The following KCNH2 variants were observed in gnomAD, a reference collection of about 807,000 sequenced individuals.
The protein encoded by KCNH2 is voltage-gated inwardly rectifying potassium channel KCNH2.
In KCNH2, 35 loss-of-function variants were observed where a neutral mutation model predicts 95.9. The ratio of observed to expected loss-of-function variants is 0.37; its 90% CI spans 0.28 to 0.48. The LOEUF (loss-of-function observed/expected upper bound fraction) is 0.48, where lower values mean the gene tolerates loss of function less well. KCNH2 is among the 20% of genes least tolerant of loss of function. The pLI is 0.99. For missense variants in KCNH2, 1,274 were observed against 1,702.9 expected (o/e 0.75, Z 4.43); for synonymous variants, 786 against 754.7 (o/e 1.04, Z -0.68).
rs143335921 is a variant in KCNH2 at position 150,950,180 on chromosome 7, C to G, written c.2386G>C (p.Val796Leu). ...SIEILRGDVV[V>L]AILGKNDIFG... is the part of the protein sequence containing the mutation. ...CCCCACCCCATACCCAGGATGGCCACGACGACGTCGCCCCGCAGGATCTCG... is the reference window on the plus strand; with the variant it reads ...CCCCACCCCATACCCAGGATGGCCAGGACGACGTCGCCCCGCAGGATCTCG... Residue 796 changes from valine (V) to leucine (L), a missense_variant, in exon 9 of 15, where the codon GTG (valine) becomes CTG (leucine). Around this residue, in one of 7 missense-constraint regions of KCNH2, gnomAD observed 159 missense variants for 282.5 expected, o/e 0.56. Transcript: ENST00000262186. 3 of 1,320,414 alleles carry G rather than the reference C, an allele frequency of 2.3e-6. No homozygotes were observed. The highest frequency in any genetic ancestry group is 3.1e-5 in the African/African-American group (2 of 64,828). The allele number at this position is 1,320,414 out of a possible 1,614,324, so 81.8% of individuals were successfully genotyped here. A position where few individuals can be genotyped will look rare whatever the true frequency, so the allele number is the denominator to read the frequency against.
rs145729322 is a variant in KCNH2 at position 150,956,989 on chromosome 7, C to G, written c.1128+302G>C. On this transcript the variant is annotated intron_variant, in intron 5 of 14. Coordinates refer to ENST00000262186, the MANE Select transcript of KCNH2 (RefSeq NM_000238.4). ...CTACTGGCCCTGTCATGTCCCCAGCCTCAACTGCCCTGTCCTCACCCTGTG... is the reference window on the plus strand; with the variant it reads ...CTACTGGCCCTGTCATGTCCCCAGCGTCAACTGCCCTGTCCTCACCCTGTG... 1.2e-3 allele frequency among the ~76,000 whole-genome samples: 178 copies of G among 152,296 alleles called. 1 individual carries two copies. The highest frequency in any genetic ancestry group is 1.6e-3 in the Non-Finnish European group (106 of 68,032).
intron 5 of KCNH2, chr7:150,955,387 G>A (rs2116986326): frequency 6.4e-7 from 1 of 1,554,542 alleles, no homozygotes; most frequent in Non-Finnish European, 8.7e-7. Flanking sequence ...AGGACCGGGT[G>A]TCACCTACCT....
At chr7:150,954,563 G>A (rs535587493) in intron 5 of KCNH2, among the ~76,000 whole-genome samples, 12 of 152,248 alleles carry the variant, frequency 7.9e-5, no homozygotes, top group Non-Finnish European at 1.6e-4. Context: ...CCAGCCTGTT[G>A]TCCTATAGAA....
At chr7:150,972,183 C>G (rs993774794) in intron 2 of KCNH2, among the ~76,000 whole-genome samples, 2 of 152,252 alleles carry the variant, frequency 1.3e-5, no homozygotes, top group Admixed American at 1.3e-4. Context: ...CCTGACACTG[C>G]GCAGAGCAAG....
chr7:150,977,661 GC>G (rs1330295895), intron 1 of KCNH2, among the ~76,000 whole-genome samples, 176 bp downstream of exon 1: 1 of 150,502 alleles, frequency 6.6e-6, no homozygotes, highest in Non-Finnish European at 1.5e-5. Flanking sequence ...GGTGCCCACG[GC>G]CCCGGTGCAC....
rs2116960512 is a variant in KCNH2 at position 150,951,560 on chromosome 7, A to G, written c.1833T>C (p.Tyr611=). ...GLGGPSIKDK[Y]VTALYFTFSS... is the part of the protein sequence containing the mutation. ...TGAAGGTGAAGTAGAGCGCCGTCAC[A>G]TACTTGTCCTTGATGGAGGGGCCGC... The change falls in exon 7 of 15, where the codon TAT becomes TAC. Residue 611 remains tyrosine (Y), a synonymous_variant. Coordinates refer to ENST00000262186, the MANE Select transcript of KCNH2 (RefSeq NM_000238.4). 4.3e-6 allele frequency: 7 copies of G among 1,614,194 alleles called. No individual in the cohort carries two copies. The highest frequency in any genetic ancestry group is 5.9e-6 in the Non-Finnish European group (7 of 1,180,022).
At chr7:150,949,948 A>C in intron 9 of KCNH2, 13 of 1,520,990 alleles carry the variant, frequency 8.5e-6, no homozygotes, top group East Asian at 2.6e-5. Flanking sequence ...CCTGAAGGGA[A>C]GGAGAATGTG....
chr7:150,947,367 A>ACGTCGC lies in KCNH2; in HGVS notation c.3107_3112dup (p.Gly1036_Asp1037dup), dbSNP rs1554424038. 2.6e-6 allele frequency: 4 copies of ACGTCGC among 1,546,010 alleles called. No individual in the cohort carries two copies. In the East Asian group the frequency reaches 7.3e-5, roughly 28 times the overall value. On this transcript the variant is annotated inframe_insertion, in exon 13 of 15. Coordinates refer to ENST00000262186, the MANE Select transcript of KCNH2 (RefSeq NM_000238.4). Reference sequence around the variant, plus strand: ...CTGGAGGGCATCCAGCCTGCTCTCCACGTCGCCCCGGGGCCGCCGACCCGG... The same window carrying ACGTCGC: ...CTGGAGGGCATCCAGCCTGCTCTCCACGTCGCCGTCGCCCCGGGGCCGCCGACCCGG...
intron 1 of KCNH2, among the ~76,000 whole-genome samples, chr7:150,976,676 G>C (rs1801986677): frequency 6.6e-6 from 1 of 152,056 alleles, no homozygotes; most frequent in African/African-American, 2.4e-5. Flanking sequence ...AAAGAGGGAA[G>C]AGTCACTCAA....
intron 5 of KCNH2, chr7:150,955,763 G>A (rs1193910730): frequency 2.4e-6 from 3 of 1,233,842 alleles, no homozygotes; most frequent in Non-Finnish European, 3.0e-6. Context: ...CTGCCAGGGT[G>A]CCGTGCTCTG....
chr7:150,958,341 G>T lies in KCNH2; in HGVS notation c.634C>A (p.Leu212Met). ...TTGTCCATGGCTGTCACTTCGTCCA[G>T]GGCCAGCGACTCGCTGCTGGGTGCC... ...PAAPSSESLA[L>M]DEVTAMDNHV... Residue 212 changes from leucine (L) to methionine (M), a missense_variant, in exon 4 of 15, where the codon CTG becomes ATG. Physicochemically the swap from Leu to Met is conservative, Grantham distance 15. Transcript: ENST00000262186. 1 of 1,490,744 alleles carries T rather than the reference G, an allele frequency of 6.7e-7. No homozygotes were observed. Among genetic ancestry groups the T allele is most frequent in the Non-Finnish European group, 8.9e-7 (1 of 1,127,958 alleles). 92.3% of individuals were successfully genotyped at this position (1,490,744 alleles called of 1,614,324 possible).
In KCNH2 at chr7:150,958,378, G is replaced by A; in HGVS notation, c.597C>T (p.Asp199=). 6.8e-7 allele frequency: 1 copy of A among 1,473,996 alleles called. No homozygotes were observed. Among genetic ancestry groups the A allele is most frequent in the Non-Finnish European group, 8.9e-7 (1 of 1,119,096 alleles). 91.3% of individuals were successfully genotyped at this position (1,473,996 alleles called of 1,614,324 possible). Residue 199 remains aspartate (D), a synonymous_variant, in exon 4 of 15, where the codon GAC becomes GAT. Transcript: ENST00000262186. ...GAPGAVVVDV[D]LTPAAPSSES... Reference sequence around the variant, plus strand: ...CGCTGCTGGGTGCCGCGGGCGTCAGGTCCACGTCCACCACCACGGCCCCCG... The same window carrying A: ...CGCTGCTGGGTGCCGCGGGCGTCAGATCCACGTCCACCACCACGGCCCCCG...
chr7:150,950,806 G>A (rs1801119235), intron 8 of KCNH2, 115 bp downstream of exon 8: 5 of 1,101,608 alleles, frequency 4.5e-6, no homozygotes, highest in Non-Finnish European at 5.4e-6. Context: ...GTGCCTCCAG[G>A]GTCCTTACTA....
Position 150,952,978 on chromosome 7 carries a change from G to A in KCNH2, c.1129-125C>T. On this transcript the variant is annotated intron_variant, in intron 5 of 14. Transcript: ENST00000262186. The surrounding 1 kb of genome is among the most constrained non-coding windows in gnomAD (Gnocchi z 7.3). Reference sequence around the variant, plus strand: ...GGCCAAAAAAAGCTTCCATCAGAATGCCCACCCCTCAGCCAAGCGACCACA... The same window carrying A: ...GGCCAAAAAAAGCTTCCATCAGAATACCCACCCCTCAGCCAAGCGACCACA... 1.1e-6 allele frequency: 1 copy of A among 926,002 alleles called. No individual in the cohort carries two copies. The highest frequency in any genetic ancestry group is 1.6e-5 in the South Asian group (1 of 62,656). 57.4% of individuals were successfully genotyped at this position (926,002 alleles called of 1,614,324 possible).
intron 2 of KCNH2, among the ~76,000 whole-genome samples, chr7:150,974,029 T>G (rs981653271): frequency 6.6e-6 from 1 of 152,172 alleles, no homozygotes; most frequent in Non-Finnish European, 1.5e-5. Context: ...CCCCGGGCTC[T>G]GTTTATCCGC....
At chr7:150,950,707 T>C (rs1397333649) in intron 8 of KCNH2, among the ~76,000 whole-genome samples, 2 of 152,182 alleles carry the variant, frequency 1.3e-5, no homozygotes, top group Non-Finnish European at 2.9e-5. Context: ...CCATCGCCTA[T>C]GTGACATATA....
At chr7:150,971,971 G>A (rs753428956) in intron 2 of KCNH2, among the ~76,000 whole-genome samples, 5 of 152,056 alleles carry the variant, frequency 3.3e-5, no homozygotes, top group African/African-American at 4.8e-5. Context: ...AGGGCCTTGC[G>A]GGGATGTTAC....
Position 150,958,263 on chromosome 7 carries a change from C to A in KCNH2, c.712G>T (p.Gly238Cys), listed in dbSNP as rs199473501. The stretch of plus-strand genomic sequence containing the variant: ...CCGGGCGCGCTGCGGGGCGGAGAGC[C>A]GGGACCCACCAGCGCACGCCGCTCC... ...AEERRALVGPGSPPRSAPGQL... is the reference protein window; with the variant it reads ...AEERRALVGPCSPPRSAPGQL... The change falls in exon 4 of 15, where the codon GGC (glycine) becomes TGC (cysteine). Residue 238 changes from glycine (G) to cysteine (C), a missense_variant. Physicochemically the swap from Gly to Cys is radical, Grantham distance 159. Transcript: ENST00000262186. 1 of 1,442,860 alleles carries A rather than the reference C, an allele frequency of 6.9e-7. No individual in the cohort carries two copies. The highest frequency in any genetic ancestry group is 9.1e-7 in the Non-Finnish European group (1 of 1,101,356). 89.4% of individuals were successfully genotyped at this position (1,442,860 alleles called of 1,614,324 possible).
At position 150,945,717 on chromosome 7, in the gene KCNH2, G is replaced by A. The variant is rs1800865645; in HGVS notation, c.3331-203C>T. ...GGGGCCACCAAGGGGAGGCACCAAG[G>A]TGGGAAGTAGAGAAAGGCATTCTCT... On this transcript the variant is annotated intron_variant, in intron 14 of 14. Transcript: ENST00000262186. The surrounding 1 kb of genome is among the most constrained non-coding windows in gnomAD (Gnocchi z 5.6). Among the ~76,000 whole-genome samples the A allele has an allele frequency of 6.6e-6, 1 of 152,184 alleles. No homozygotes were observed. The highest frequency in any genetic ancestry group is 6.5e-5 in the Admixed American group (1 of 15,284).
Sources: gnomAD v4.1 joint callset for allele counts (sites outside exome capture counted in the v4.1 genomes callset) on GRCh38, gnomAD v4.1.1 for gene constraint, gnomAD v4.1.1 regional missense constraint, Gnocchi (gnomAD v3.1) non-coding constraint, MANE v1.5 for transcripts, NCBI Gene and HGNC (gene_info 2026-07-23, HGNC 2026-07-21) for gene names.